The following ARL15 variants were observed in gnomAD, a reference collection of about 807,000 sequenced individuals.
ARL15 encodes the protein ADP-ribosylation factor-like protein 15.
ARL15 carries 19 observed loss-of-function variants against 25.2 expected under a neutral mutation model. The ratio of observed to expected loss-of-function variants is 0.75; its 90% confidence interval spans 0.53 to 1.10. The LOEUF (loss-of-function observed/expected upper bound fraction) is 1.10, where lower values mean the gene tolerates loss of function less well. ARL15 is among the 50% of genes least tolerant of loss of function. ARL15 has a pLI of 0.00. For missense variants in ARL15, 220 were observed against 246.0 expected (o/e 0.89, Z 0.71); for synonymous variants, 94 against 86.8 (o/e 1.08, Z -0.46).
intron 4 of ARL15, among the ~76,000 whole-genome samples, chr5:53,982,637 G>A (rs773135177): frequency 5.9e-5 from 9 of 152,018 alleles, no homozygotes; most frequent in Non-Finnish European, 8.8e-5. Context: ...ACAATGCCAC[G>A]GTAAATATAC....
intron 4 of ARL15, among the ~76,000 whole-genome samples, chr5:54,062,580 C>T (rs1751103952): frequency 6.6e-6 from 1 of 151,666 alleles, no homozygotes; most frequent in Admixed American, 6.6e-5. Context: ...TGCTGCCATC[C>T]ACATAAGATG....
Position 54,282,472 on chromosome 5 carries a change from G to A in ARL15, c.48+27960C>T, listed in dbSNP as rs982523447. 2.4e-5 allele frequency: 24 copies of A among 985,348 alleles called. No homozygotes were observed. In the South Asian group the frequency reaches 3.8e-4, roughly 15 times the overall value. The allele number at this position is 985,348 out of a possible 1,614,324, so 61.0% of individuals were successfully genotyped here. ...ATGAGGAAGTGGCTGAATTTCTTCCGTCTGTTTTCTAGGCTAGCTCAAAGA... is the reference window on the plus strand; with the variant it reads ...ATGAGGAAGTGGCTGAATTTCTTCCATCTGTTTTCTAGGCTAGCTCAAAGA... On this transcript the variant is annotated intron_variant, in intron 1 of 4. Transcript: ENST00000504924.
At chr5:54,231,350 C>T (rs879587061) in intron 1 of ARL15, among the ~76,000 whole-genome samples, 1 of 152,188 alleles carries the variant, frequency 6.6e-6, no homozygotes, top group Admixed American at 6.5e-5. Context: ...CCACTGCCCA[C>T]TTCTGCCACC....
intron 4 of ARL15, among the ~76,000 whole-genome samples, chr5:53,920,631 ACT>A (rs1397543617): frequency 6.7e-6 from 1 of 149,092 alleles, no homozygotes; most frequent in African/African-American, 2.5e-5. Context: ...ACATAGTGAG[ACT>A]CTGTCTCTAT....
intron 4 of ARL15, among the ~76,000 whole-genome samples, chr5:54,086,000 C>G (rs993596049): frequency 3.3e-5 from 5 of 151,896 alleles, no homozygotes; most frequent in African/African-American, 1.2e-4. Flanking sequence ...CCGCAACCTC[C>G]CTCTCCTGGG....
chr5:54,027,003 T>A (rs940602300), intron 4 of ARL15, among the ~76,000 whole-genome samples: 8 of 152,008 alleles, frequency 5.3e-5, no homozygotes, highest in Non-Finnish European at 1.0e-4. Flanking sequence ...GAAAGGAAAA[T>A]CTTAAGATTT....
chr5:54,159,936 T>C (rs1754354291), intron 2 of ARL15, among the ~76,000 whole-genome samples: 2 of 152,252 alleles, frequency 1.3e-5, no homozygotes, highest in South Asian at 4.1e-4. Context: ...TCTATTTTTA[T>C]TCATTGTGTG....
At chr5:54,021,568 T>C (rs550741328) in intron 4 of ARL15, among the ~76,000 whole-genome samples, 2 of 152,026 alleles carry the variant, frequency 1.3e-5, no homozygotes, top group South Asian at 4.2e-4. Context: ...ACAACAGAAA[T>C]TACTCAATCT....
intron 1 of ARL15, among the ~76,000 whole-genome samples, chr5:54,191,924 A>T (rs558228691): frequency 4.6e-5 from 7 of 152,256 alleles, no homozygotes; most frequent in Non-Finnish European, 8.8e-5. Flanking sequence ...TAAAGCCCTT[A>T]TAGCAGACTA....
chr5:54,046,905 T>G (rs25857), intron 4 of ARL15, among the ~76,000 whole-genome samples: 118,838 of 152,024 alleles, frequency 0.78, 46,747 homozygotes, highest in East Asian at 0.85. Flanking sequence ...TTATGGGGAA[T>G]GCCTGGACAG....
intron 4 of ARL15, among the ~76,000 whole-genome samples, chr5:54,013,380 G>A (rs990392077): frequency 6.6e-6 from 1 of 152,140 alleles, no homozygotes; most frequent in Non-Finnish European, 1.5e-5. Flanking sequence ...TCATTCCCAG[G>A]CACAGGCCAA....
chr5:54,215,928 C>T (rs2112518809), intron 1 of ARL15, among the ~76,000 whole-genome samples: 1 of 152,264 alleles, frequency 6.6e-6, no homozygotes, highest in Admixed American at 6.5e-5. Flanking sequence ...AAACCTTTCT[C>T]ATTAAACTGC....
At chr5:53,911,219 C>T (rs544223951) in intron 4 of ARL15, among the ~76,000 whole-genome samples, 2 of 152,274 alleles carry the variant, frequency 1.3e-5, no homozygotes, top group South Asian at 2.1e-4. Flanking sequence ...TCATTTAAAA[C>T]ATTTTAAGAA....
At chr5:54,245,327 C>T (rs1490421502) in intron 1 of ARL15, among the ~76,000 whole-genome samples, 3 of 152,186 alleles carry the variant, frequency 2.0e-5, no homozygotes, top group African/African-American at 7.2e-5. Context: ...TTCAACTGGG[C>T]AGAAATCAGA....
intron 4 of ARL15, among the ~76,000 whole-genome samples, chr5:54,054,007 C>A (rs943191338): frequency 6.6e-6 from 1 of 152,150 alleles, no homozygotes; most frequent in African/African-American, 2.4e-5. Flanking sequence ...ACACTATGTA[C>A]TATCTTTGTA....
chr5:53,960,046 A>C (rs1392484718), intron 4 of ARL15, among the ~76,000 whole-genome samples: 1 of 152,108 alleles, frequency 6.6e-6, no homozygotes, highest in Non-Finnish European at 1.5e-5. Flanking sequence ...AGACAGACAG[A>C]TATATAAGTC....
At chr5:54,035,784 T>C (rs1269247493) in intron 4 of ARL15, among the ~76,000 whole-genome samples, 3 of 152,226 alleles carry the variant, frequency 2.0e-5, no homozygotes, top group Admixed American at 1.3e-4. Flanking sequence ...GAACTATGTT[T>C]CTTTCAATAG....
rs142772962 is a variant in ARL15, at chr5:54,045,509, T to C, written c.462+67693A>G. 2.6e-3 allele frequency among the ~76,000 whole-genome samples: 391 copies of C among 152,214 alleles called. 2 individuals are homozygous for C. The highest frequency in any genetic ancestry group is 9.2e-3 in the African/African-American group (382 of 41,536). ...AGATACAGATTGTTTAAACAACATGTGACGGCAATTCTATTATGTGTCAAA... is the reference window on the plus strand; with the variant it reads ...AGATACAGATTGTTTAAACAACATGCGACGGCAATTCTATTATGTGTCAAA... On this transcript the variant is annotated intron_variant, in intron 4 of 4. Coordinates refer to ENST00000504924, the MANE Select transcript of ARL15 (RefSeq NM_019087.3).
intron 1 of ARL15, among the ~76,000 whole-genome samples, chr5:54,281,605 T>C (rs1758065239): frequency 1.3e-5 from 2 of 152,194 alleles, no homozygotes; most frequent in African/African-American, 4.8e-5. Flanking sequence ...CCACCAGTTG[T>C]GACAACCGGA....
Sources: allele counts gnomAD v4.1 joint callset (sites outside exome capture counted in the v4.1 genomes callset), GRCh38; gene constraint gnomAD v4.1.1; transcripts MANE v1.5; gene names NCBI Gene and HGNC (gene_info 2026-07-23, HGNC 2026-07-21).